Variants in TRIP10 observed in about 807,000 individuals in gnomAD.
TRIP10 encodes the protein cdc42-interacting protein 4.
In TRIP10, 54 loss-of-function variants were observed where a neutral mutation model predicts 80.9. The observed-to-expected ratio is 0.67, with a 90% CI of 0.54 to 0.84. The LOEUF is 0.84. TRIP10 is among the 40% of genes least tolerant of loss of function. The pLI is 0.00. For synonymous variants in TRIP10, 321 were observed against 307.2 expected (o/e 1.04, Z -0.47); for missense variants, 773 against 815.3 (o/e 0.95, Z 0.63).
chr19:6,742,779 CAAA>C lies in TRIP10; in HGVS notation c.198-170_198-168del, dbSNP rs151261595. 7.8e-3 allele frequency among the ~76,000 whole-genome samples: 948 copies of C among 121,682 alleles called. 4 individuals carry two copies. Among genetic ancestry groups the C allele is most frequent in the African/African-American group, 0.018 (563 of 32,156 alleles). 79.8% of individuals were successfully genotyped at this position (121,682 alleles called of 152,430 possible). The stretch of plus-strand genomic sequence containing the variant: ...CCTGGGTGACAGCAAGACCCTGTCT[CAAA>C]AAAAAAAAAAAAAAAAATCTACTCA... On this transcript the variant is annotated intron_variant, in intron 3 of 14. Transcript: ENST00000313244.
At chr19:6,740,352 G>A in intron 1 of TRIP10, among the ~76,000 whole-genome samples, 1 of 152,186 alleles carries the variant, frequency 6.6e-6, no homozygotes, top group Non-Finnish European at 1.5e-5. Flanking sequence ...ACCGCCCCCT[G>A]GTCGCCTATA....
chr19:6,744,845 C>T lies in TRIP10; in HGVS notation c.835C>T (p.Pro279Ser), dbSNP rs1469414449. 1 of 1,614,238 alleles carries T rather than the reference C, an allele frequency of 6.2e-7. No individual in the cohort carries two copies. The highest frequency in any genetic ancestry group is 1.7e-5 in the Admixed American group (1 of 60,030). Residue 279 changes from proline to serine, a missense_variant, in exon 9 of 15, where the codon CCG becomes TCG. Transcript: ENST00000313244. This position sits in a 1 kb window ranked among gnomAD's most constrained non-coding sequence, Gnocchi z 4.9. ...IELHKSGFAR[P>S]GDVEFEDFSQ... Reference sequence around the variant, plus strand: ...GCTGCACAAGTCAGGTTTTGCCCGCCCGGGCGACGTGGAATTCGAGGACTT... The same window carrying T: ...GCTGCACAAGTCAGGTTTTGCCCGCTCGGGCGACGTGGAATTCGAGGACTT...
At position 6,743,474 on chromosome 19, in the gene TRIP10, C is replaced by T. The variant is rs769298439; in HGVS notation, c.409-20C>T. On this transcript the variant is annotated intron_variant, in intron 5 of 14. Transcript: ENST00000313244. ...CTTTGGGATGGTGGCTCCCTCACTC[C>T]GGTTCTGTCCCCTACACAGAGTAAG... 1.1e-5 allele frequency: 18 copies of T among 1,611,526 alleles called. No homozygotes were observed. The highest frequency in any genetic ancestry group is 2.2e-5 in the East Asian group (1 of 44,866).
Position 6,739,698 on chromosome 19 carries a change from CGGCGGGCGGCGGGCGGCGGGGACCGGG to C in TRIP10, c.-63_-37del. On this transcript the variant is annotated 5_prime_UTR_variant, in exon 1 of 15. Coordinates refer to ENST00000313244, the MANE Select transcript of TRIP10 (RefSeq NM_001288962.2). The stretch of plus-strand genomic sequence containing the variant: ...CTCGGCTGAGTCTCCCCGGGGAGGG[CGGCGGGCGGCGGGCGGCGGGGACCGGG>C]TGCGGTGGTGGCTGCGGCGGCGGCG... 1.9e-6 allele frequency: 2 copies of C among 1,068,248 alleles called. No individual in the cohort carries two copies. The highest frequency in any genetic ancestry group is 3.8e-5 in the South Asian group (1 of 26,552). 66.2% of individuals were successfully genotyped at this position (1,068,248 alleles called of 1,614,324 possible). A position where few individuals can be genotyped will look rare whatever the true frequency, so the allele number is the denominator to read the frequency against.
intron 11 of TRIP10, among the ~76,000 whole-genome samples, chr19:6,747,574 C>T (rs1287694077): frequency 2.6e-5 from 4 of 151,964 alleles, no homozygotes; most frequent in Admixed American, 1.3e-4. Flanking sequence ...GGGCAGATCA[C>T]GTGAGGTCAG....
chr19:6,745,950 C>A lies in TRIP10; in HGVS notation c.985-79C>A. On this transcript the variant is annotated intron_variant, in intron 9 of 14. Transcript: ENST00000313244. The surrounding 1 kb of genome is among the most constrained non-coding windows in gnomAD (Gnocchi z 7.2). Reference sequence around the variant, plus strand: ...TCCATCCGTGCGTCCATCCCTCCGTCCATTCGTCCTCACTCTCTACATCCT... The same window carrying A: ...TCCATCCGTGCGTCCATCCCTCCGTACATTCGTCCTCACTCTCTACATCCT... 8.1e-7 allele frequency: 1 copy of A among 1,230,086 alleles called. No individual in the cohort carries two copies. The highest frequency in any genetic ancestry group is 1.5e-5 in the African/African-American group (1 of 64,660). The allele number at this position is 1,230,086 out of a possible 1,614,324, so 76.2% of individuals were successfully genotyped here.
Position 6,744,914 on chromosome 19 carries a change from A to C in TRIP10, c.904A>C (p.Thr302Pro), listed in dbSNP as rs766835437. 3.7e-6 allele frequency: 6 copies of C among 1,614,040 alleles called. No individual in the cohort carries two copies. The Middle Eastern group carries it at 6.6e-4, about 178-fold the overall frequency. The change falls in exon 9 of 15, where the codon ACC becomes CCC. Residue 302 changes from threonine to proline, a missense_variant. Transcript: ENST00000313244. The surrounding 1 kb of genome is among the most constrained non-coding windows in gnomAD (Gnocchi z 4.9). Reference protein sequence around the residue: ...NRAPSDSSLGTPSDGRPELRG... With the variant: ...NRAPSDSSLGPPSDGRPELRG... ...TGCACCCTCCGACAGCAGTCTGGGC[A>C]CCCCCTCGGATGGACGGCCTGAACT...
At position 6,745,187 on chromosome 19, in the gene TRIP10, C is replaced by T. The variant is rs931270753; in HGVS notation, c.984+193C>T. On this transcript the variant is annotated intron_variant, in intron 9 of 14. Coordinates refer to ENST00000313244, the MANE Select transcript of TRIP10 (RefSeq NM_001288962.2). The surrounding 1 kb of genome is among the most constrained non-coding windows in gnomAD (Gnocchi z 7.2). ...GAGTCCCCCGAGGCGAAGGCGGGGG[C>T]AGGGTGGGGAGGTGGGGAGGTCCGT... The T allele has an allele frequency of 1.1e-5, 8 of 750,844 alleles. No individual in the cohort carries two copies. The Admixed American group carries it at 1.9e-4, about 18-fold the overall frequency. The allele number at this position is 750,844 out of a possible 1,614,324, so 46.5% of individuals were successfully genotyped here. A position where few individuals can be genotyped will look rare whatever the true frequency, so the allele number is the denominator to read the frequency against.
At position 6,741,072 on chromosome 19, in the gene TRIP10, A is replaced by G. The variant is rs146148921; in HGVS notation, c.87A>G (p.Val29=). 17 of 1,614,060 alleles carry G rather than the reference A, an allele frequency of 1.1e-5. No homozygotes were observed. In the African/African-American group the frequency reaches 1.6e-4, roughly 15 times the overall value. ...GGCTGGACCTGTTGGACAGATATGTAAAGTTCGTGAAAGAACGCACCGAAG... is the reference window on the plus strand; with the variant it reads ...GGCTGGACCTGTTGGACAGATATGTGAAGTTCGTGAAAGAACGCACCGAAG... ...QWGLDLLDRY[V]KFVKERTEVE... is the part of the protein sequence containing the mutation. Residue 29 remains valine, a synonymous_variant, in exon 2 of 15, where the codon GTA becomes GTG. Coordinates refer to ENST00000313244, the MANE Select transcript of TRIP10 (RefSeq NM_001288962.2).
rs967517531 is a variant in TRIP10 at position 6,744,452 on chromosome 19, G to A, written c.643-102G>A. The A allele has an allele frequency of 2.6e-6, 4 of 1,525,968 alleles. No homozygotes were observed. The highest frequency in any genetic ancestry group is 3.6e-6 in the Non-Finnish European group (4 of 1,124,674). The allele number at this position is 1,525,968 out of a possible 1,614,324, so 94.5% of individuals were successfully genotyped here. On this transcript the variant is annotated intron_variant, in intron 7 of 14. Coordinates refer to ENST00000313244, the MANE Select transcript of TRIP10 (RefSeq NM_001288962.2). This position sits in a 1 kb window ranked among gnomAD's most constrained non-coding sequence, Gnocchi z 4.9. ...GTCTTCCCCTCCAGACTGGCTTGGGGCTGGGGCCAGCGTGGAGCGCGATCA... is the reference window on the plus strand; with the variant it reads ...GTCTTCCCCTCCAGACTGGCTTGGGACTGGGGCCAGCGTGGAGCGCGATCA...
chr19:6,750,027 C>G lies in TRIP10; in HGVS notation c.1356C>G (p.Ser452Arg). 1.9e-6 allele frequency: 3 copies of G among 1,593,792 alleles called. No homozygotes were observed. Among genetic ancestry groups the G allele is most frequent in the Non-Finnish European group, 2.6e-6 (3 of 1,169,220 alleles). Residue 452 changes from serine (S) to arginine (R), a missense_variant, in exon 12 of 15, where the codon AGC (serine) becomes AGG (arginine). By Grantham distance (110) the Ser-to-Arg change is moderately radical. Transcript: ENST00000313244. ...SLEPQIAETL[S>R]NIERLKLEVQ... Reference sequence around the variant, plus strand: ...AGCCCCAGATCGCTGAAACCCTGAGCAACATTGAACGGCTGAAATTGGAAG... The same window carrying G: ...AGCCCCAGATCGCTGAAACCCTGAGGAACATTGAACGGCTGAAATTGGAAG...
At chr19:6,740,846 GT>G (rs1968894139) in intron 1 of TRIP10, 163 bp from the exon 2 acceptor site, 1 of 610,076 alleles carries the variant, frequency 1.6e-6, no homozygotes, top group African/African-American at 1.9e-5. Context: ...GTTCCCGCCA[GT>G]TTCCTGCCTC....
At position 6,740,657 on chromosome 19, in the gene TRIP10, C is replaced by CA. The variant is rs576521228; in HGVS notation, c.25-352dup. On this transcript the variant is annotated intron_variant, in intron 1 of 14. Coordinates refer to ENST00000313244, the MANE Select transcript of TRIP10 (RefSeq NM_001288962.2). ...GAACCCTGCCCCTCTGGCCTTGACTCACGCCGGGCCGGCCGGATTTTCCGG... is the reference window on the plus strand; with the variant it reads ...GAACCCTGCCCCTCTGGCCTTGACTCAACGCCGGGCCGGCCGGATTTTCCGG... The CA allele has an allele frequency of 8.8e-4, 223 of 252,620 alleles. 2 individuals carry two copies. The highest frequency in any genetic ancestry group is 4.5e-3 in the African/African-American group (201 of 44,578). The allele number at this position is 252,620 out of a possible 1,614,324, so 15.6% of individuals were successfully genotyped here. A position where few individuals can be genotyped will look rare whatever the true frequency, so the allele number is the denominator to read the frequency against.
rs339405 is a variant in TRIP10, at chr19:6,744,751, A to T, written c.790-49A>T. The T allele has an allele frequency of 2.5e-6, 4 of 1,592,060 alleles. No homozygotes were observed. The South Asian group carries it at 4.6e-5, about 18-fold the overall frequency. On this transcript the variant is annotated intron_variant, in intron 8 of 14. Coordinates refer to ENST00000313244, the MANE Select transcript of TRIP10 (RefSeq NM_001288962.2). This position sits in a 1 kb window ranked among gnomAD's most constrained non-coding sequence, Gnocchi z 4.9. ...GGCTACGGGAAGGGCAGAGGGAGGTACCCATAGGCTAGGCACTCGACTGCT... is the reference window on the plus strand; with the variant it reads ...GGCTACGGGAAGGGCAGAGGGAGGTTCCCATAGGCTAGGCACTCGACTGCT...
In TRIP10 at chr19:6,746,463, C is replaced by A. The variant is rs371917765; in HGVS notation, c.1164C>A (p.Thr388=). 1.1e-5 allele frequency: 17 copies of A among 1,613,946 alleles called. No individual in the cohort carries two copies. The highest frequency in any genetic ancestry group is 1.7e-5 in the Admixed American group (1 of 59,998). ...SLRGSRGTVV[T]EDFSHLPPEQ... ...TACCCACCTTGCAGACAGTGGTGAC[C>A]GAGGATTTTAGCCACTTGCCCCCAG... The change falls in exon 11 of 15, where the codon ACC becomes ACA. Residue 388 remains threonine, a synonymous_variant. Coordinates refer to ENST00000313244, the MANE Select transcript of TRIP10 (RefSeq NM_001288962.2). The surrounding 1 kb of genome is among the most constrained non-coding windows in gnomAD (Gnocchi z 6.2).
chr19:6,746,282 C>T lies in TRIP10; in HGVS notation c.1152+86C>T. ...GGGACCCTGGGCTCGCTTCCTGCCG[C>T]TGGCTGGGCCCCTCTTCCCTGGTTG... On this transcript the variant is annotated intron_variant, in intron 10 of 14. Coordinates refer to ENST00000313244, the MANE Select transcript of TRIP10 (RefSeq NM_001288962.2). This position sits in a 1 kb window ranked among gnomAD's most constrained non-coding sequence, Gnocchi z 6.2. 1 of 1,482,608 alleles carries T rather than the reference C, an allele frequency of 6.7e-7. No individual in the cohort carries two copies. Among genetic ancestry groups the T allele is most frequent in the Non-Finnish European group, 9.0e-7 (1 of 1,110,198 alleles). 91.8% of individuals were successfully genotyped at this position (1,482,608 alleles called of 1,614,324 possible).
Position 6,750,383 on chromosome 19 carries a change from C to G in TRIP10, c.1487C>G (p.Ala496Gly), listed in dbSNP as rs764177233. ...CGGCCTCCCGACCCCCCCGCTAGCG[C>G]CCCGCCAGACAGCAGCAGCAACAGC... The part of the protein sequence containing the change: ...HARPPDPPAS[A>G]PPDSSSNSAS... The change falls in exon 13 of 15, where the codon GCC becomes GGC. Residue 496 changes from alanine to glycine, a missense_variant. Physicochemically the swap from Ala to Gly is moderately conservative, Grantham distance 60. Transcript: ENST00000313244. 4 of 1,614,122 alleles carry G rather than the reference C, an allele frequency of 2.5e-6. No homozygotes were observed. In the Admixed American group the frequency reaches 6.7e-5, roughly 27 times the overall value.
intron 3 of TRIP10, among the ~76,000 whole-genome samples, chr19:6,742,511 A>C (rs1697658899): frequency 1.3e-5 from 2 of 152,030 alleles, no homozygotes; most frequent in South Asian, 4.1e-4. Context: ...CTGTGTTCCA[A>C]TATACATTCG....
chr19:6,745,770 C>T lies in TRIP10; in HGVS notation c.985-259C>T, dbSNP rs77997787. On this transcript the variant is annotated intron_variant, in intron 9 of 14. Transcript: ENST00000313244. The surrounding 1 kb of genome is among the most constrained non-coding windows in gnomAD (Gnocchi z 7.2). ...GTGAGAGTTCTGGCTTTCGGGCTTA[C>T]AGTTCAACATCCTCCCCGCCACCTT... 77 of 985,328 alleles carry T rather than the reference C, an allele frequency of 7.8e-5. No individual in the cohort carries two copies. The East Asian group carries it at 5.7e-3, about 73-fold the overall frequency. The allele number at this position is 985,328 out of a possible 1,614,324, so 61.0% of individuals were successfully genotyped here. A position where few individuals can be genotyped will look rare whatever the true frequency, so the allele number is the denominator to read the frequency against.
Sources: allele counts gnomAD v4.1 joint callset (sites outside exome capture counted in the v4.1 genomes callset), GRCh38; gene constraint gnomAD v4.1.1; non-coding constraint Gnocchi (gnomAD v3.1); transcripts MANE v1.5; gene names NCBI Gene and HGNC (gene_info 2026-07-23, HGNC 2026-07-21).